The following FGF11 variants were observed in gnomAD, a reference collection of about 807,000 sequenced individuals.
The protein encoded by FGF11 is fibroblast growth factor 11.
FGF11 carries 25 observed loss-of-function variants against 25.1 expected under a neutral mutation model. The observed-to-expected ratio is 1.00, with a 90% CI of 0.73 to 1.39. The LOEUF (loss-of-function observed/expected upper bound fraction) is 1.39, where lower values mean the gene tolerates loss of function less well. Ranked by LOEUF, FGF11 falls within the 40% of genes most tolerant of loss-of-function variation. The pLI is 0.00. For synonymous variants in FGF11, 130 were observed against 128.9 expected (o/e 1.01, Z -0.06); for missense variants, 320 against 311.0 (o/e 1.03, Z -0.22).
At position 7,443,306 on chromosome 17, in the gene FGF11, T is replaced by C; in HGVS notation, c.*160T>C. The C allele has an allele frequency of 1.0e-5, 6 of 576,914 alleles. No individual in the cohort carries two copies. The Admixed American group carries it at 1.7e-4, about 16-fold the overall frequency. 35.7% of individuals were successfully genotyped at this position (576,914 alleles called of 1,614,324 possible). A position where few individuals can be genotyped will look rare whatever the true frequency, so the allele number is the denominator to read the frequency against. ...CCTGAGGGAGCCTAGGGGCTGACTG[T>C]GACTTCCGAGGCTGCTGAGACCCTT... On this transcript the variant is annotated 3_prime_UTR_variant, in exon 5 of 5. Transcript: ENST00000293829.
chr17:7,439,486 T>G, upstream of FGF11: 1 of 639,560 alleles, frequency 1.6e-6, no homozygotes, highest in Non-Finnish European at 2.4e-6. Flanking sequence ...CTGGGGCTTA[T>G]CCTCAGGTCC....
intron 1 of FGF11, 36 bp downstream of exon 1, chr17:7,439,849 G>A (rs1908233638): frequency 7.2e-7 from 1 of 1,389,740 alleles, no homozygotes; most frequent in South Asian, 1.6e-5. Context: ...CCGGCCAGAG[G>A]TTTCTCTGCC....
rs749704531 is a variant in FGF11 at position 7,443,577 on chromosome 17, C to A, written c.*431C>A. ...CACTGGAGCTCAGGATTCATGTGTC[C>A]TTCTTTCCCTACTCTACCTTCTACC... On this transcript the variant is annotated 3_prime_UTR_variant, in exon 5 of 5. Coordinates refer to ENST00000293829, the MANE Select transcript of FGF11 (RefSeq NM_004112.4). 5.9e-6 allele frequency: 1 copy of A among 168,504 alleles called. No individual in the cohort carries two copies. The highest frequency in any genetic ancestry group is 2.4e-5 in the African/African-American group (1 of 41,752). The allele number at this position is 168,504 out of a possible 1,614,324, so 10.4% of individuals were successfully genotyped here.
intron 1 of FGF11, 163 bp from the exon 2 acceptor site, chr17:7,441,308 G>A: frequency 8.7e-6 from 8 of 917,142 alleles, no homozygotes; most frequent in Non-Finnish European, 1.3e-5. Flanking sequence ...TCCCAGGAGT[G>A]AAAGAGAGGT....
Position 7,440,252 on chromosome 17 carries a change from C to G in FGF11, c.193+439C>G, listed in dbSNP as rs1908257077. 6.4e-6 allele frequency: 1 copy of G among 155,186 alleles called. No individual in the cohort carries two copies. Among genetic ancestry groups the G allele is most frequent in the African/African-American group, 2.4e-5 (1 of 41,232 alleles). The allele number at this position is 155,186 out of a possible 1,614,324, so 9.6% of individuals were successfully genotyped here. A position where few individuals can be genotyped will look rare whatever the true frequency, so the allele number is the denominator to read the frequency against. On this transcript the variant is annotated intron_variant, in intron 1 of 4. Transcript: ENST00000293829. The surrounding 1 kb of genome is among the most constrained non-coding windows in gnomAD (Gnocchi z 5.4). ...CCCAGCCCCCGCCTGCCCCGGTTCT[C>G]CCGCTCCTCCACGCCTGGGCTCGGT...
In FGF11 at chr17:7,439,764, C is replaced by A. The variant is rs1441246172; in HGVS notation, c.144C>A (p.Ser48=). 1.3e-6 allele frequency: 2 copies of A among 1,546,682 alleles called. No homozygotes were observed. The highest frequency in any genetic ancestry group is 8.7e-7 in the Non-Finnish European group (1 of 1,152,546). Residue 48 remains serine (S), a synonymous_variant, in exon 1 of 5, where the codon TCC becomes TCA. Coordinates refer to ENST00000293829, the MANE Select transcript of FGF11 (RefSeq NM_004112.4). ...AGAAGCAGCTCCTCATCCTGCTGTC[C>A]AAGGTGCGACTGTGCGGGGGGCGGC... is the stretch of plus-strand genomic sequence containing the variant. ...LCQKQLLILL[S]KVRLCGGRPA... is the part of the protein sequence containing the mutation.
chr17:7,439,866 A>T (rs1030842543), intron 1 of FGF11, 53 bp downstream of exon 1: 1 of 1,351,492 alleles, frequency 7.4e-7, no homozygotes, highest in Non-Finnish European at 9.5e-7. Context: ...TGCCTGGGAG[A>T]TTGAGGCCAG....
At position 7,440,732 on chromosome 17, in the gene FGF11, G is replaced by T. The variant is rs1000399265; in HGVS notation, c.194-739G>T. 3.0e-6 allele frequency: 3 copies of T among 985,974 alleles called. No individual in the cohort carries two copies. Among genetic ancestry groups the T allele is most frequent in the Non-Finnish European group, 3.6e-6 (3 of 830,536 alleles). The allele number at this position is 985,974 out of a possible 1,614,324, so 61.1% of individuals were successfully genotyped here. On this transcript the variant is annotated intron_variant, in intron 1 of 4. Coordinates refer to ENST00000293829, the MANE Select transcript of FGF11 (RefSeq NM_004112.4). The surrounding 1 kb of genome is among the most constrained non-coding windows in gnomAD (Gnocchi z 5.4). ...CCGGCTGCCCATAGTGGTACAATCC[G>T]CAGCCCACCCTCTGAGTAGGACCGG...
chr17:7,442,585 T>C lies in FGF11; in HGVS notation c.409-9T>C. ...CTTTGTGCGCCTTTCTGGGTCTTTG[T>C]CTCCTTAGCCGCATTTCACAGCTGA... On this transcript the variant is annotated splice_polypyrimidine_tract_variant and intron_variant, in intron 3 of 4. Transcript: ENST00000293829. 1 of 1,614,118 alleles carries C rather than the reference T, an allele frequency of 6.2e-7. No homozygotes were observed. Among genetic ancestry groups the C allele is most frequent in the South Asian group, 1.1e-5 (1 of 91,032 alleles).
In FGF11 at chr17:7,443,208, G is replaced by C; in HGVS notation, c.*62G>C. On this transcript the variant is annotated 3_prime_UTR_variant, in exon 5 of 5. Transcript: ENST00000293829. ...AGTGAGCCAGCCACCACCACAACCT[G>C]TCTCCCAGTCCTGCTCTCACCCCTG... is the stretch of plus-strand genomic sequence containing the variant. 9.4e-7 allele frequency: 1 copy of C among 1,061,780 alleles called. No homozygotes were observed. The highest frequency in any genetic ancestry group is 1.4e-6 in the Non-Finnish European group (1 of 697,090). 65.8% of individuals were successfully genotyped at this position (1,061,780 alleles called of 1,614,324 possible).
chr17:7,438,451 T>A (rs908475485), upstream of FGF11: 1 of 153,566 alleles, frequency 6.5e-6, no homozygotes, highest in African/African-American at 2.4e-5. Flanking sequence ...GGGGGGAAGC[T>A]CCGTTTGCGG....
Position 7,440,785 on chromosome 17 carries a change from C to T in FGF11, c.194-686C>T. On this transcript the variant is annotated intron_variant, in intron 1 of 4. Transcript: ENST00000293829. The surrounding 1 kb of genome is among the most constrained non-coding windows in gnomAD (Gnocchi z 5.4). ...CCCCACGTGACTCAGCCTGCCTCTCCATCTCCTCAGCTCCCACCCCCCATA... is the reference window on the plus strand; with the variant it reads ...CCCCACGTGACTCAGCCTGCCTCTCTATCTCCTCAGCTCCCACCCCCCATA... 7.1e-6 allele frequency: 7 copies of T among 986,768 alleles called. No individual in the cohort carries two copies. Among genetic ancestry groups the T allele is most frequent in the Non-Finnish European group, 8.4e-6 (7 of 830,946 alleles). 61.1% of individuals were successfully genotyped at this position (986,768 alleles called of 1,614,324 possible).
In FGF11 at chr17:7,440,630, G is replaced by T; in HGVS notation, c.193+817G>T. The T allele has an allele frequency of 1.0e-6, 1 of 982,236 alleles. No individual in the cohort carries two copies. Among genetic ancestry groups the T allele is most frequent in the Non-Finnish European group, 1.2e-6 (1 of 827,294 alleles). 60.8% of individuals were successfully genotyped at this position (982,236 alleles called of 1,614,324 possible). On this transcript the variant is annotated intron_variant, in intron 1 of 4. Transcript: ENST00000293829. The surrounding 1 kb of genome is among the most constrained non-coding windows in gnomAD (Gnocchi z 5.4). ...GTCCCCGTCCATGTACGACAGTCAG[G>T]GAGTCCCTCTGGCCCTGCTCCCGCC...
Position 7,443,307 on chromosome 17 carries a change from G to A in FGF11, c.*161G>A, listed in dbSNP as rs1231002457. 1 of 575,874 alleles carries A rather than the reference G, an allele frequency of 1.7e-6. No individual in the cohort carries two copies. Among genetic ancestry groups the A allele is most frequent in the Non-Finnish European group, 3.1e-6 (1 of 325,014 alleles). 35.7% of individuals were successfully genotyped at this position (575,874 alleles called of 1,614,324 possible). On this transcript the variant is annotated 3_prime_UTR_variant, in exon 5 of 5. Coordinates refer to ENST00000293829, the MANE Select transcript of FGF11 (RefSeq NM_004112.4). Reference sequence around the variant, plus strand: ...CTGAGGGAGCCTAGGGGCTGACTGTGACTTCCGAGGCTGCTGAGACCCTTA... The same window carrying A: ...CTGAGGGAGCCTAGGGGCTGACTGTAACTTCCGAGGCTGCTGAGACCCTTA...
At position 7,440,761 on chromosome 17, in the gene FGF11, C is replaced by A; in HGVS notation, c.194-710C>A. 3.0e-6 allele frequency: 3 copies of A among 986,652 alleles called. No homozygotes were observed. Among genetic ancestry groups the A allele is most frequent in the Non-Finnish European group, 3.6e-6 (3 of 830,892 alleles). The allele number at this position is 986,652 out of a possible 1,614,324, so 61.1% of individuals were successfully genotyped here. A position where few individuals can be genotyped will look rare whatever the true frequency, so the allele number is the denominator to read the frequency against. On this transcript the variant is annotated intron_variant, in intron 1 of 4. Transcript: ENST00000293829. This position sits in a 1 kb window ranked among gnomAD's most constrained non-coding sequence, Gnocchi z 5.4. Reference sequence around the variant, plus strand: ...CCCACCCTCTGAGTAGGACCGGGCCCCCACGTGACTCAGCCTGCCTCTCCA... The same window carrying A: ...CCCACCCTCTGAGTAGGACCGGGCCACCACGTGACTCAGCCTGCCTCTCCA...
intron 1 of FGF11, 152 bp downstream of exon 1, chr17:7,439,965 T>C: frequency 1.8e-6 from 1 of 549,354 alleles, no homozygotes; most frequent in Non-Finnish European, 2.9e-6. Context: ...AGACTGTGCC[T>C]CAGTTTCCCT....
intron 3 of FGF11, 99 bp from the exon 4 acceptor site, chr17:7,442,495 C>CA: frequency 7.4e-7 from 1 of 1,359,646 alleles, no homozygotes; most frequent in South Asian, 1.3e-5. Flanking sequence ...CCCCCTCCCC[C>CA]AAAAAGGATT....
At chr17:7,438,708 G>A (rs982605478), upstream of FGF11, among the ~76,000 whole-genome samples, 9 of 152,168 alleles carry the variant, frequency 5.9e-5, no homozygotes, top group African/African-American at 1.9e-4. Context: ...ATTGGAGGGC[G>A]TGGGATCTAA....
Position 7,441,569 on chromosome 17 carries a change from A to G in FGF11, c.292A>G (p.Thr98Ala), listed in dbSNP as rs1206545491. The change falls in exon 2 of 5, where the codon ACC (threonine) becomes GCC (alanine). Residue 98 changes from threonine (T) to alanine (A), a missense_variant. Thr to Ala is a moderately conservative substitution (Grantham distance 58). Transcript: ENST00000293829. Reference sequence around the variant, plus strand: ...AAGCATCCAGGGCACCCCAGAGGATACCAGCTCCTTCAGTGAGAGGGGAAG... The same window carrying G: ...AAGCATCCAGGGCACCCCAGAGGATGCCAGCTCCTTCAGTGAGAGGGGAAG... ...DGSIQGTPED[T>A]SSFTHFNLIP... 1 of 1,614,082 alleles carries G rather than the reference A, an allele frequency of 6.2e-7. No individual in the cohort carries two copies. Among genetic ancestry groups the G allele is most frequent in the African/African-American group, 1.3e-5 (1 of 74,942 alleles).
Sources: allele counts gnomAD v4.1 joint callset (sites outside exome capture counted in the v4.1 genomes callset), GRCh38; gene constraint gnomAD v4.1.1; non-coding constraint Gnocchi (gnomAD v3.1); transcripts MANE v1.5; gene names NCBI Gene and HGNC (gene_info 2026-07-23, HGNC 2026-07-21).